The following MLLT10 variants were observed in gnomAD, a reference collection of about 807,000 sequenced individuals.
MLLT10 encodes the protein MLLT10 histone lysine methyltransferase DOT1L cofactor, also known as protein AF-10.
In MLLT10, 30 loss-of-function variants were observed where a neutral mutation model predicts 129.1. That is an observed-to-expected ratio of 0.23 (90% CI 0.17 to 0.32). The LOEUF (loss-of-function observed/expected upper bound fraction) is 0.32, where lower values mean the gene tolerates loss of function less well. Among genes scored for constraint, MLLT10 ranks in the 10% least tolerant of loss-of-function variants. The probability of loss-of-function intolerance (pLI) is 1.00; values close to 1 mark genes in which losing one functional copy is unlikely to be tolerated. For synonymous variants in MLLT10, 490 were observed against 446.4 expected, an observed-to-expected ratio of 1.10 and a Z score of -1.23; for missense variants, 1,119 against 1,268.3, an observed-to-expected ratio of 0.88 and a Z score of 1.79.
intron 3 of MLLT10, chr10:21,564,456 CTT>C (rs1012586755): frequency 1.4e-5 from 2 of 144,974 alleles, no homozygotes; most frequent in Non-Finnish European, 1.5e-5. Flanking sequence ...TATTTGGTAT[CTT>C]TTTTTTTTTT....
intron 13 of MLLT10, among the ~76,000 whole-genome samples, chr10:21,687,774 C>T (rs1016986095): frequency 1.4e-4 from 22 of 152,146 alleles, no homozygotes; most frequent in African/African-American, 5.1e-4. Context: ...CGTTAGTAAA[C>T]CTAGACCTTA....
chr10:21,692,988 T>C (rs913146161), intron 13 of MLLT10, among the ~76,000 whole-genome samples: 4 of 152,184 alleles, frequency 2.6e-5, no homozygotes, highest in African/African-American at 2.4e-5. Flanking sequence ...ACTAAATCTT[T>C]CTTTTAATCT....
chr10:21,711,161 A>G (rs1428260012), intron 13 of MLLT10, among the ~76,000 whole-genome samples: 1 of 152,070 alleles, frequency 6.6e-6, no homozygotes, highest in Non-Finnish European at 1.5e-5. Context: ...GGTGGCTCAA[A>G]CCTGTAATCC....
At chr10:21,573,999 C>T (rs1467388817) in intron 3 of MLLT10, among the ~76,000 whole-genome samples, 1 of 152,086 alleles carries the variant, frequency 6.6e-6, no homozygotes, top group South Asian at 2.1e-4. Context: ...TGGTATTCTT[C>T]ATGCTAAACT....
At chr10:21,741,900 T>C (rs1357221221) in intron 22 of MLLT10, 39 bp from the exon 23 acceptor site, 1 of 1,592,238 alleles carries the variant, frequency 6.3e-7, no homozygotes, top group East Asian at 2.2e-5. Flanking sequence ...TATCAAAAGT[T>C]GATTTAGCTA....
chr10:21,593,013 T>A (rs546757476), intron 4 of MLLT10, among the ~76,000 whole-genome samples: 81 of 152,336 alleles, frequency 5.3e-4, no homozygotes, highest in African/African-American at 1.9e-3. Flanking sequence ...ACTTTTGTGC[T>A]AACATTCTGG....
In MLLT10 at chr10:21,536,546, G is replaced by A. The variant is rs138551421; in HGVS notation, c.160+1742G>A. On this transcript the variant is annotated intron_variant, in intron 2 of 22. Coordinates refer to ENST00000307729, the MANE Select transcript of MLLT10 (RefSeq NM_001195626.3). ...GGACACCTATGCTGTGTTTTTTGACGGATAGAGCATTTATAGTGAGACACA... is the reference window on the plus strand; with the variant it reads ...GGACACCTATGCTGTGTTTTTTGACAGATAGAGCATTTATAGTGAGACACA... Among the ~76,000 whole-genome samples, 608 of 152,228 alleles carry A rather than the reference G, an allele frequency of 4.0e-3. 6 individuals are homozygous for A. Among genetic ancestry groups the A allele is most frequent in the African/African-American group, 0.014 (569 of 41,532 alleles).
At chr10:21,628,960 G>A (rs1194772327) in intron 8 of MLLT10, among the ~76,000 whole-genome samples, 3 of 151,834 alleles carry the variant, frequency 2.0e-5, no homozygotes, top group African/African-American at 4.8e-5. Flanking sequence ...TGTTGGCCAG[G>A]CTGGTCTTGA....
At chr10:21,632,042 A>G (rs765008613) in intron 8 of MLLT10, among the ~76,000 whole-genome samples, 57 of 151,522 alleles carry the variant, frequency 3.8e-4, no homozygotes, top group Non-Finnish European at 6.6e-4. Context: ...CCAGGAAGCT[A>G]TTATTTAACT....
intron 13 of MLLT10, among the ~76,000 whole-genome samples, chr10:21,691,781 A>G (rs552356325): frequency 1.3e-5 from 2 of 152,264 alleles, no homozygotes; most frequent in East Asian, 1.9e-4. Flanking sequence ...TAATAACGCA[A>G]TGGTTACAGC....
At chr10:21,538,709 C>T (rs2034546272) in intron 2 of MLLT10, 124 bp from the exon 3 acceptor site, 2 of 637,806 alleles carry the variant, frequency 3.1e-6, no homozygotes, top group Non-Finnish European at 5.5e-6. Context: ...AACTGTTTTA[C>T]TTCTCTGTAA....
chr10:21,555,101 G>A (rs1459068231), intron 3 of MLLT10, among the ~76,000 whole-genome samples: 4 of 151,938 alleles, frequency 2.6e-5, no homozygotes, highest in African/African-American at 9.7e-5. Flanking sequence ...GATTACAGGC[G>A]TGAGCCACTG....
At chr10:21,713,586 A>G (rs181511717) in intron 13 of MLLT10, among the ~76,000 whole-genome samples, 186 bp from the exon 14 acceptor site, 18 of 152,330 alleles carry the variant, frequency 1.2e-4, no homozygotes, top group Admixed American at 1.0e-3. Flanking sequence ...AGGTTCTTTT[A>G]GACAACTGCT....
chr10:21,620,581 G>A (rs780554026), intron 8 of MLLT10, among the ~76,000 whole-genome samples: 3 of 152,124 alleles, frequency 2.0e-5, no homozygotes, highest in Non-Finnish European at 2.9e-5. Flanking sequence ...AAATTTTGGT[G>A]ATACTGTTCA....
intron 13 of MLLT10, among the ~76,000 whole-genome samples, chr10:21,697,127 G>A (rs992878513): frequency 1.3e-4 from 19 of 150,174 alleles, no homozygotes; most frequent in African/African-American, 4.7e-4. Context: ...AAAAAAGAGG[G>A]AGAATTTATT....
intron 8 of MLLT10, among the ~76,000 whole-genome samples, chr10:21,621,555 T>G (rs954575848): frequency 5.9e-5 from 9 of 152,222 alleles, no homozygotes; most frequent in African/African-American, 1.9e-4. Context: ...AAGAATTTAA[T>G]TTTTTAAAAG....
intron 16 of MLLT10, among the ~76,000 whole-genome samples, chr10:21,729,219 A>G (rs191722080): frequency 2.0e-5 from 3 of 152,300 alleles, no homozygotes. Flanking sequence ...CAAAGAAGAA[A>G]GTTAATGTTT....
chr10:21,540,848 C>T (rs546302166), intron 3 of MLLT10, among the ~76,000 whole-genome samples: 1 of 152,168 alleles, frequency 6.6e-6, no homozygotes, highest in South Asian at 2.1e-4. Flanking sequence ...TTGTGTTTGC[C>T]TGGGCAATTT....
chr10:21,680,817 C>G (rs1028770196), intron 11 of MLLT10, among the ~76,000 whole-genome samples: 2 of 151,852 alleles, frequency 1.3e-5, no homozygotes, highest in African/African-American at 4.8e-5. Flanking sequence ...ACTAAAGATA[C>G]AAAAATTAGC....
Sources: allele counts gnomAD v4.1 joint callset (sites outside exome capture counted in the v4.1 genomes callset), GRCh38; gene constraint gnomAD v4.1.1; transcripts MANE v1.5; gene names NCBI Gene and HGNC (gene_info 2026-07-23, HGNC 2026-07-21).